Variants in PREX1 observed in about 807,000 individuals in gnomAD.
The protein encoded by PREX1 is phosphatidylinositol-3,4,5-trisphosphate dependent Rac exchange factor 1, also known as phosphatidylinositol 3,4,5-trisphosphate-dependent Rac exchanger 1 protein.
Under a neutral mutation model 198.3 loss-of-function variants are expected in PREX1, and 41 were observed. The observed-to-expected ratio is 0.21, with a 90% confidence interval of 0.16 to 0.27. The LOEUF is 0.27. PREX1 is among the 10% of genes least tolerant of loss of function. The pLI is 1.00. For missense variants in PREX1, 1,620 were observed against 2,200.7 expected, an observed-to-expected ratio of 0.74 and a Z score of 5.28; for synonymous variants, 843 against 887.2, an observed-to-expected ratio of 0.95 and a Z score of 0.89.
chr20:48,847,761 T>C, the PREX1 span, among the ~76,000 whole-genome samples: 2 of 152,172 alleles, frequency 1.3e-5, no homozygotes, highest in African/African-American at 4.8e-5. Flanking sequence ...ATCTAGAACA[T>C]TCCCCTCACC....
chr20:48,880,001 A>G, the PREX1 span, among the ~76,000 whole-genome samples: 2 of 152,320 alleles, frequency 1.3e-5, no homozygotes, highest in African/African-American at 4.8e-5. Context: ...CTCTGCTGGA[A>G]ATTGAATTTC....
Position 48,764,526 on chromosome 20 carries a change from T to A in PREX1, c.220-16646A>T, listed in dbSNP as rs562516121. 4.3e-4 allele frequency among the ~76,000 whole-genome samples: 66 copies of A among 152,234 alleles called. 1 individual carries two copies. The highest frequency in any genetic ancestry group is 1.6e-3 in the African/African-American group (65 of 41,532). ...GGCTAGGCACGATGGCTGAAGCCTA[T>A]AATCCCAGCACTTTGGGAGGCCGAG... On this transcript the variant is annotated intron_variant, in intron 1 of 39. Transcript: ENST00000371941.
At chr20:48,634,828 G>T (rs74442232) in intron 32 of PREX1, 53 bp from the exon 33 acceptor site, 123,028 of 1,519,684 alleles carry the variant, frequency 0.081, 9,059 homozygotes, top group African/African-American at 0.38. Flanking sequence ...CTGCCCCAGG[G>T]TTTCCTATCA....
the PREX1 span, among the ~76,000 whole-genome samples, chr20:48,844,863 G>A: frequency 6.6e-6 from 1 of 152,244 alleles, no homozygotes; most frequent in Admixed American, 6.5e-5. Flanking sequence ...TGCTTGTATG[G>A]TAAAACTTCC....
At chr20:48,637,033 T>C (rs2089370659) in intron 31 of PREX1, among the ~76,000 whole-genome samples, 1 of 152,256 alleles carries the variant, frequency 6.6e-6, no homozygotes, top group African/African-American at 2.4e-5. Flanking sequence ...CCTTGGCCAG[T>C]AGAATGCCAA....
At chr20:48,861,405 T>A in the PREX1 span, among the ~76,000 whole-genome samples, 1 of 152,162 alleles carries the variant, frequency 6.6e-6, no homozygotes, top group Non-Finnish European at 1.5e-5. Flanking sequence ...CTGAGAGATA[T>A]CCCATTAGAA....
At chr20:48,646,624 G>A (rs1292742739) in intron 25 of PREX1, among the ~76,000 whole-genome samples, 3 of 150,888 alleles carry the variant, frequency 2.0e-5, no homozygotes, top group South Asian at 2.1e-4. Context: ...GGGAGGCGGA[G>A]GTTGAAGTGA....
intron 1 of PREX1, among the ~76,000 whole-genome samples, chr20:48,758,951 G>T (rs1034742212): frequency 6.6e-6 from 1 of 152,094 alleles, no homozygotes; most frequent in African/African-American, 2.4e-5. Flanking sequence ...ACATTCCCCT[G>T]CGGAGGCCAA....
chr20:48,695,495 C>T (rs1162770122), intron 7 of PREX1, among the ~76,000 whole-genome samples: 2 of 152,234 alleles, frequency 1.3e-5, no homozygotes, highest in Non-Finnish European at 2.9e-5. Context: ...GAGATACTGC[C>T]AAGCTGTTTT....
chr20:48,734,024 T>C (rs566106470), intron 4 of PREX1, among the ~76,000 whole-genome samples: 72 of 152,326 alleles, frequency 4.7e-4, no homozygotes, highest in African/African-American at 1.7e-3. Flanking sequence ...AGTGCTGGGA[T>C]TACAGGCGTG....
At chr20:48,704,541 TTTCC>T (rs1248774359) in intron 6 of PREX1, among the ~76,000 whole-genome samples, 3 of 150,532 alleles carry the variant, frequency 2.0e-5, no homozygotes, top group South Asian at 2.1e-4. Context: ...CCTTCCTTCC[TTTCC>T]TTCCTTCCTT....
chr20:48,734,781 G>GT, intron 3 of PREX1, 131 bp from the exon 4 acceptor site: 1 of 684,378 alleles, frequency 1.5e-6, no homozygotes, highest in Non-Finnish European at 2.5e-6. Flanking sequence ...ACAGCAGGAG[G>GT]TATCTCAGGT....
intron 1 of PREX1, among the ~76,000 whole-genome samples, chr20:48,789,262 C>T (rs2090326678): frequency 6.6e-6 from 1 of 152,158 alleles, no homozygotes; most frequent in Admixed American, 6.5e-5. Flanking sequence ...TGCGATCTAC[C>T]ATCTGCTTCC....
intron 1 of PREX1, among the ~76,000 whole-genome samples, chr20:48,793,946 A>T (rs1230876661): frequency 6.6e-6 from 1 of 152,204 alleles, no homozygotes; most frequent in Non-Finnish European, 1.5e-5. Flanking sequence ...CAAGTGGCTC[A>T]GTAGCCCATC....
chr20:48,708,881 C>T (rs1041194294), intron 5 of PREX1, among the ~76,000 whole-genome samples: 2 of 152,132 alleles, frequency 1.3e-5, no homozygotes, highest in Admixed American at 6.5e-5. Context: ...GAGAGATCCG[C>T]GGTCACAGAG....
At chr20:48,708,558 C>G in intron 5 of PREX1, 137 bp from the exon 6 acceptor site, 1 of 949,172 alleles carries the variant, frequency 1.1e-6, no homozygotes, top group Non-Finnish European at 1.6e-6. Flanking sequence ...AGGAGATGAG[C>G]CAAAGCAAAG....
intron 1 of PREX1, among the ~76,000 whole-genome samples, chr20:48,808,629 A>G (rs561121641): frequency 6.6e-6 from 1 of 152,288 alleles, no homozygotes; most frequent in South Asian, 2.1e-4. Context: ...CTCCAAGGAC[A>G]ACACCACCTC....
chr20:48,633,671 C>T (rs559552904), intron 33 of PREX1, among the ~76,000 whole-genome samples: 5 of 152,126 alleles, frequency 3.3e-5, no homozygotes, highest in African/African-American at 4.8e-5. Context: ...CCAGGGGCCA[C>T]GCTCTGAGAA....
At chr20:48,727,780 G>A (rs1419829068) in intron 4 of PREX1, among the ~76,000 whole-genome samples, 2 of 152,126 alleles carry the variant, frequency 1.3e-5, no homozygotes, top group Admixed American at 1.3e-4. Flanking sequence ...CACCCAACCT[G>A]CTCTCAATTC....
Sources: gnomAD v4.1 joint callset for allele counts (sites outside exome capture counted in the v4.1 genomes callset) on GRCh38, gnomAD v4.1.1 for gene constraint, MANE v1.5 for transcripts, NCBI Gene and HGNC (gene_info 2026-07-23, HGNC 2026-07-21) for gene names.